Variants in DNAAF8 observed in about 807,000 individuals in gnomAD.
The protein encoded by DNAAF8 is dynein axonemal assembly factor 8.
Under a neutral mutation model 54.6 loss-of-function variants are expected in DNAAF8, and 61 were observed. The ratio of observed to expected loss-of-function variants is 1.12; its 90% CI spans 0.91 to 1.38. The LOEUF is 1.38. Ranked by LOEUF, DNAAF8 falls within the 40% of genes most tolerant of loss-of-function variation. The pLI, the probability that DNAAF8 is intolerant of heterozygous loss-of-function variation, is 0.00. For missense variants in DNAAF8, 837 were observed against 665.0 expected (o/e 1.26, Z -2.85); for synonymous variants, 320 against 270.1 (o/e 1.18, Z -1.81).
In DNAAF8 at chr16:4,744,887, G is replaced by A. The variant is rs980152598; in HGVS notation, c.919G>A (p.Ala307Thr). Residue 307 changes from alanine to threonine, a missense_variant, in exon 6 of 10, where the codon GCC becomes ACC. Transcript: ENST00000299320. ...RQVQDRMVPS[A>T]HNRLMEQLAL... ...ATCCTCAGACCGCATGGTGCCGAGCGCCCACAACAGGCTCATGGAACAGCT... is the reference window on the plus strand; with the variant it reads ...ATCCTCAGACCGCATGGTGCCGAGCACCCACAACAGGCTCATGGAACAGCT... 13 of 1,613,286 alleles carry A rather than the reference G, an allele frequency of 8.1e-6. No homozygotes were observed. The highest frequency in any genetic ancestry group is 5.0e-5 in the Admixed American group (3 of 59,992).
intron 5 of DNAAF8, among the ~76,000 whole-genome samples, chr16:4,744,624 G>A (rs778062990): frequency 2.0e-5 from 2 of 99,372 alleles, no homozygotes; most frequent in East Asian, 3.4e-4. Context: ...TTAAAAATAC[G>A]TCACTCCTAC....
intron 4 of DNAAF8, among the ~76,000 whole-genome samples, chr16:4,742,772 C>T (rs565205157): frequency 3.3e-5 from 5 of 151,988 alleles, no homozygotes; most frequent in African/African-American, 4.8e-5. Context: ...GGTCAGACAA[C>T]GTCTTTGTGC....
At chr16:4,741,005 T>C (rs1341746982) in intron 4 of DNAAF8, among the ~76,000 whole-genome samples, 1 of 148,428 alleles carries the variant, frequency 6.7e-6, no homozygotes, top group East Asian at 2.0e-4. Flanking sequence ...GAGACCCTCA[T>C]CTCTAAAAAA....
At chr16:4,740,109 A>T (rs1462684130) in intron 3 of DNAAF8, 44 bp from the exon 4 acceptor site, 3 of 1,518,618 alleles carry the variant, frequency 2.0e-6, no homozygotes, top group East Asian at 2.3e-5. Flanking sequence ...TCCCTGAAGC[A>T]TGTTTTTGAG....
rs1265782732 is a variant in DNAAF8, at chr16:4,744,873, G to A, written c.905G>A (p.Arg302His). 1.9e-6 allele frequency: 3 copies of A among 1,612,236 alleles called. No individual in the cohort carries two copies. Among genetic ancestry groups the A allele is most frequent in the African/African-American group, 2.7e-5 (2 of 74,880 alleles). Residue 302 changes from arginine to histidine, a missense_variant, in exon 6 of 10, where the codon CGC (arginine) becomes CAC (histidine). Coordinates refer to ENST00000299320, the MANE Select transcript of DNAAF8 (RefSeq NM_139170.3). ...CCTCTCCTTTGGCCATCCTCAGACC[G>A]CATGGTGCCGAGCGCCCACAACAGG... Reference protein sequence around the residue: ...WAADHRQVQDRMVPSAHNRLM... With the variant: ...WAADHRQVQDHMVPSAHNRLM...
intron 9 of DNAAF8, among the ~76,000 whole-genome samples, chr16:4,747,851 C>A (rs1186330125): frequency 6.6e-6 from 1 of 152,136 alleles, no homozygotes; most frequent in Non-Finnish European, 1.5e-5. Flanking sequence ...CCTGTGACAA[C>A]AGCTTTGGGA....
rs757604968 is a variant in DNAAF8, at chr16:4,740,390, G to A, written c.514G>A (p.Ala172Thr). 61 of 1,613,810 alleles carry A rather than the reference G, an allele frequency of 3.8e-5. 1 individual carries two copies. The Middle Eastern group carries it at 4.9e-4, about 13-fold the overall frequency. ...QGPPWDPQAE[A>T]TLSCHEGDPK... ...TCCTCCCTGGGACCCACAGGCCGAAGCCACTCTCTCCTGCCATGAAGGAGA... is the reference window on the plus strand; with the variant it reads ...TCCTCCCTGGGACCCACAGGCCGAAACCACTCTCTCCTGCCATGAAGGAGA... The change falls in exon 4 of 10, where the codon GCC becomes ACC. Residue 172 changes from alanine (A) to threonine (T), a missense_variant. Transcript: ENST00000299320.
chr16:4,735,964 A>C (rs1338932317), intron 1 of DNAAF8, among the ~76,000 whole-genome samples: 6 of 152,130 alleles, frequency 3.9e-5, no homozygotes, highest in Non-Finnish European at 8.8e-5. Context: ...TCCAAAACAA[A>C]AAAGCAAGGT....
intron 3 of DNAAF8, among the ~76,000 whole-genome samples, chr16:4,739,265 GTTTTTTT>G (rs35113323): frequency 1.4e-4 from 10 of 69,044 alleles, no homozygotes; most frequent in Middle Eastern, 0.016. Flanking sequence ...ATTTTTTCTT[GTTTTTTT>G]TTTTTTTTTT....
chr16:4,739,265 G>GGTTTTTTTTTTTTTTTTTTTT (rs1555482695), intron 3 of DNAAF8, among the ~76,000 whole-genome samples: 43 of 69,046 alleles, frequency 6.2e-4, no homozygotes, highest in Non-Finnish European at 1.0e-3. Flanking sequence ...ATTTTTTCTT[G>GGTTTTTTTTTTTTTTTTTTTT]TTTTTTTTTT....
chr16:4,737,733 G>C (rs1373482425), intron 2 of DNAAF8, 67 bp from the exon 3 acceptor site: 3 of 1,560,294 alleles, frequency 1.9e-6, no homozygotes, highest in East Asian at 2.2e-5. Context: ...TGGAGAGCGG[G>C]GGTGGCTAGG....
Position 4,740,177 on chromosome 16 carries a change from G to C in DNAAF8, c.301G>C (p.Ala101Pro). Residue 101 changes from alanine to proline, a missense_variant, in exon 4 of 10, where the codon GCC (alanine) becomes CCC (proline). Coordinates refer to ENST00000299320, the MANE Select transcript of DNAAF8 (RefSeq NM_139170.3). ...PEPVLVPAEL[A>P]TEPGCRQNTR... ...GCCAGTTCTGGTGCCTGCAGAATTG[G>C]CCACAGAACCTGGGTGCAGACAGAA... 3 of 1,610,926 alleles carry C rather than the reference G, an allele frequency of 1.9e-6. No individual in the cohort carries two copies. Among genetic ancestry groups the C allele is most frequent in the African/African-American group, 1.3e-5 (1 of 74,916 alleles).
intron 3 of DNAAF8, 49 bp from the exon 4 acceptor site, chr16:4,740,104 G>T: frequency 6.7e-7 from 1 of 1,501,294 alleles, no homozygotes; most frequent in Non-Finnish European, 8.9e-7. Context: ...AACATTCCCT[G>T]AAGCATGTTT....
chr16:4,746,249 G>C, intron 6 of DNAAF8, 126 bp from the exon 7 acceptor site: 2 of 1,031,098 alleles, frequency 1.9e-6, no homozygotes, highest in Non-Finnish European at 2.8e-6. Context: ...TGTTTAATGT[G>C]CCCGTCTGTA....
intron 4 of DNAAF8, among the ~76,000 whole-genome samples, chr16:4,742,752 G>A (rs1157799697): frequency 2.0e-5 from 3 of 151,968 alleles, no homozygotes; most frequent in Non-Finnish European, 4.4e-5. Flanking sequence ...ACAATACAGG[G>A]TTTCCTTCGG....
At chr16:4,739,617 C>G (rs1361953235) in intron 3 of DNAAF8, among the ~76,000 whole-genome samples, 1 of 150,672 alleles carries the variant, frequency 6.6e-6, no homozygotes, top group African/African-American at 2.4e-5. Context: ...GGTGCCCTCA[C>G]TGCTCACTGC....
At chr16:4,738,067 C>T (rs2081918331) in intron 3 of DNAAF8, 121 bp downstream of exon 3, 1 of 1,270,830 alleles carries the variant, frequency 7.9e-7, no homozygotes, top group African/African-American at 1.5e-5. Flanking sequence ...TTTTTTTTCC[C>T]CCATGTACAA....
intron 2 of DNAAF8, 118 bp from the exon 3 acceptor site, chr16:4,737,682 G>A: frequency 7.6e-7 from 1 of 1,314,938 alleles, no homozygotes; most frequent in Non-Finnish European, 1.1e-6. Flanking sequence ...TGGACGGGCT[G>A]GATGGGCTGG....
At chr16:4,741,173 G>A (rs2081956673) in intron 4 of DNAAF8, among the ~76,000 whole-genome samples, 1 of 150,124 alleles carries the variant, frequency 6.7e-6, no homozygotes, top group Non-Finnish European at 1.5e-5. Context: ...GGCGGAGCTT[G>A]CAGTGAGCCG....
Sources: allele counts gnomAD v4.1 joint callset (sites outside exome capture counted in the v4.1 genomes callset), GRCh38; gene constraint gnomAD v4.1.1; transcripts MANE v1.5; gene names NCBI Gene and HGNC (gene_info 2026-07-23, HGNC 2026-07-21).